Variants in TSPAN15 observed in about 807,000 individuals in gnomAD.
TSPAN15 encodes the protein tetraspanin-15.
Under a neutral mutation model 34.5 loss-of-function variants are expected in TSPAN15, and 20 were observed. The observed-to-expected ratio is 0.58, with a 90% CI of 0.41 to 0.84. The LOEUF (loss-of-function observed/expected upper bound fraction) is 0.84, where lower values mean the gene tolerates loss of function less well. Ranked by LOEUF, TSPAN15 falls within the 40% of genes least tolerant of loss-of-function variation. The pLI, the probability that TSPAN15 is intolerant of heterozygous loss-of-function variation, is 0.00. For missense variants in TSPAN15, 313 were observed against 386.1 expected, an observed-to-expected ratio of 0.81 and a Z score of 1.59; for synonymous variants, 155 against 153.9, an observed-to-expected ratio of 1.01 and a Z score of -0.05.
chr10:69,518,943 A>G, the TSPAN15 span, among the ~76,000 whole-genome samples: 3 of 152,358 alleles, frequency 2.0e-5, no homozygotes, highest in Non-Finnish European at 2.9e-5. Flanking sequence ...AGACAGTCAC[A>G]TAGGTGCTCT....
chr10:69,452,814 G>C (rs1841003485), intron 1 of TSPAN15, among the ~76,000 whole-genome samples: 1 of 152,176 alleles, frequency 6.6e-6, no homozygotes, highest in Non-Finnish European at 1.5e-5. Context: ...ACCCAGGGTG[G>C]TCACTGACAC....
In TSPAN15 at chr10:69,506,408, G is replaced by A; in HGVS notation, c.735+168G>A. The A allele has an allele frequency of 1.6e-6, 1 of 638,076 alleles. No homozygotes were observed. The highest frequency in any genetic ancestry group is 2.7e-6 in the Non-Finnish European group (1 of 364,066). 39.5% of individuals were successfully genotyped at this position (638,076 alleles called of 1,614,324 possible). On this transcript the variant is annotated intron_variant, in intron 7 of 7. Coordinates refer to ENST00000373290, the MANE Select transcript of TSPAN15 (RefSeq NM_012339.5). This position sits in a 1 kb window ranked among gnomAD's most constrained non-coding sequence, Gnocchi z 4.7. ...AAATGGCAATAGCAGTCGTGGCGAAGCTCTTCCAAGTGCTGCGCAGGCACT... is the reference window on the plus strand; with the variant it reads ...AAATGGCAATAGCAGTCGTGGCGAAACTCTTCCAAGTGCTGCGCAGGCACT...
chr10:69,493,965 G>A (rs1195289531), intron 3 of TSPAN15, among the ~76,000 whole-genome samples: 1 of 152,238 alleles, frequency 6.6e-6, no homozygotes, highest in African/African-American at 2.4e-5. Context: ...TCGGGGAGGA[G>A]GTGGGTGCTG....
At chr10:69,503,646 C>T (rs1480767925) in intron 5 of TSPAN15, among the ~76,000 whole-genome samples, 2 of 152,118 alleles carry the variant, frequency 1.3e-5, no homozygotes, top group Non-Finnish European at 2.9e-5. Context: ...TCATCACTGG[C>T]GCCTGCAGCA....
rs115883985 is a variant in TSPAN15 at position 69,452,865 on chromosome 10, C to T, written c.96+1175C>T. 5.8e-3 allele frequency among the ~76,000 whole-genome samples: 891 copies of T among 152,330 alleles called. 7 individuals carry two copies. The highest frequency in any genetic ancestry group is 0.02 in the African/African-American group (846 of 41,568). On this transcript the variant is annotated intron_variant, in intron 1 of 7. Transcript: ENST00000373290. ...TACACACACTCTCCCCTGGTGTCCTCCTTAGCCCCTTGCTGGGTCTCTTCT... is the reference window on the plus strand; with the variant it reads ...TACACACACTCTCCCCTGGTGTCCTTCTTAGCCCCTTGCTGGGTCTCTTCT...
intron 6 of TSPAN15, among the ~76,000 whole-genome samples, chr10:69,504,862 G>A (rs142587615): frequency 0.022 from 3,300 of 152,256 alleles, 120 homozygotes; most frequent in African/African-American, 0.076. Context: ...AACCCCCTCT[G>A]GGGGTTGCTC....
At chr10:69,511,126 G>A (rs561394158), downstream of TSPAN15, among the ~76,000 whole-genome samples, 11 of 152,290 alleles carry the variant, frequency 7.2e-5, no homozygotes, top group African/African-American at 2.6e-4. Context: ...TTTTTCTGTT[G>A]TTTGGAATAG....
the TSPAN15 span, among the ~76,000 whole-genome samples, chr10:69,526,786 C>CAAAA: frequency 6.6e-5 from 4 of 60,992 alleles, no homozygotes; most frequent in South Asian, 7.2e-4. Context: ...GACCCTGTCT[C>CAAAA]AAAAAAAAAA....
the TSPAN15 span, among the ~76,000 whole-genome samples, chr10:69,544,432 A>G: frequency 1.3e-5 from 2 of 152,108 alleles, no homozygotes; most frequent in Admixed American, 1.3e-4. Context: ...AATGTTTGCA[A>G]TCCAGATTTC....
intron 4 of TSPAN15, 51 bp downstream of exon 4, chr10:69,495,740 C>G (rs774260874): frequency 7.9e-7 from 1 of 1,267,696 alleles, no homozygotes; most frequent in Non-Finnish European, 1.2e-6. Context: ...TCTTAGCCCC[C>G]CATTCAGGCC....
rs960415819 is a variant in TSPAN15, at chr10:69,506,763, G to A, written c.736-66G>A. ...CTGGCTGCTTGGGTTTCTGGGAGCC[G>A]GGAGCTGCAGGGAGGGCTGCCCTGA... On this transcript the variant is annotated intron_variant, in intron 7 of 7. Coordinates refer to ENST00000373290, the MANE Select transcript of TSPAN15 (RefSeq NM_012339.5). This position sits in a 1 kb window ranked among gnomAD's most constrained non-coding sequence, Gnocchi z 4.7. The A allele has an allele frequency of 5.0e-5, 75 of 1,505,504 alleles. No homozygotes were observed. The South Asian group carries it at 7.2e-4, about 14-fold the overall frequency. 93.3% of individuals were successfully genotyped at this position (1,505,504 alleles called of 1,614,324 possible).
chr10:69,495,412 G>A, intron 3 of TSPAN15, 182 bp from the exon 4 acceptor site: 1 of 591,874 alleles, frequency 1.7e-6, no homozygotes. Context: ...GAGGCACGGG[G>A]AGGATGTGTG....
chr10:69,459,708 G>A lies in TSPAN15; in HGVS notation c.96+8018G>A, dbSNP rs141969543. ...AGTGACTGAGAAGCAGGGTTTCATT[G>A]TCAGGCCCTGTGGTCTTGCCATCCA... On this transcript the variant is annotated intron_variant, in intron 1 of 7. Transcript: ENST00000373290. 2.1e-3 allele frequency among the ~76,000 whole-genome samples: 314 copies of A among 152,264 alleles called. 1 individual carries two copies. The highest frequency in any genetic ancestry group is 7.1e-3 in the African/African-American group (293 of 41,538).
the TSPAN15 span, among the ~76,000 whole-genome samples, chr10:69,540,445 G>A: frequency 2.0e-5 from 3 of 152,246 alleles, no homozygotes; most frequent in East Asian, 1.9e-4. Flanking sequence ...GGAAATAGTC[G>A]TTTGGCCACT....
chr10:69,539,533 A>AAGAAGAAGAAGAAGAAGAAGG, the TSPAN15 span, among the ~76,000 whole-genome samples: 7 of 48,312 alleles, frequency 1.4e-4, no homozygotes, highest in South Asian at 5.8e-4. Flanking sequence ...GAAGAAGAAG[A>AAGAAGAAGAAGAAGAAGAAGG]AGAAGGAGAA....
chr10:69,489,280 C>G (rs766516661), intron 3 of TSPAN15, among the ~76,000 whole-genome samples: 5 of 152,180 alleles, frequency 3.3e-5, no homozygotes, highest in Non-Finnish European at 5.9e-5. Context: ...GTTGTCTTCC[C>G]TTGTTCCCTG....
At chr10:69,539,709 C>T in the TSPAN15 span, among the ~76,000 whole-genome samples, 1 of 152,100 alleles carries the variant, frequency 6.6e-6, no homozygotes, top group Non-Finnish European at 1.5e-5. Flanking sequence ...GTGAGAGGAG[C>T]TCAGATTCCT....
chr10:69,543,091 T>G, the TSPAN15 span, among the ~76,000 whole-genome samples: 1 of 152,216 alleles, frequency 6.6e-6, no homozygotes, highest in African/African-American at 2.4e-5. Context: ...TCACCCTATT[T>G]CTTTGCTTTG....
At chr10:69,497,609 C>G (rs1459183730) in intron 4 of TSPAN15, among the ~76,000 whole-genome samples, 2 of 152,222 alleles carry the variant, frequency 1.3e-5, no homozygotes, top group Non-Finnish European at 2.9e-5. Context: ...AGTGCTCACT[C>G]TCTGTCTCTC....
Sources: allele counts gnomAD v4.1 joint callset (sites outside exome capture counted in the v4.1 genomes callset), GRCh38; gene constraint gnomAD v4.1.1; non-coding constraint Gnocchi (gnomAD v3.1); transcripts MANE v1.5; gene names NCBI Gene and HGNC (gene_info 2026-07-23, HGNC 2026-07-21).